GFPT1: variants seen among roughly 807,000 people sequenced by gnomAD.
GFPT1 encodes the protein glutamine--fructose-6-phosphate aminotransferase [isomerizing] 1.
In GFPT1, 40 loss-of-function variants were observed where a neutral mutation model predicts 92.0. That is an observed-to-expected ratio of 0.43 (90% confidence interval 0.34 to 0.57). The LOEUF is 0.57. Among genes scored for constraint, GFPT1 ranks in the 20% least tolerant of loss-of-function variants. The pLI is 0.02. For missense variants in GFPT1, 448 were observed against 869.1 expected, an observed-to-expected ratio of 0.52 and a Z score of 6.09; for synonymous variants, 269 against 280.6, an observed-to-expected ratio of 0.96 and a Z score of 0.41.
chr2:69,326,061 C>CTG lies in GFPT1; in HGVS notation c.*126_*127dup. 1.5e-6 allele frequency: 1 copy of CTG among 648,586 alleles called. No individual in the cohort carries two copies. The highest frequency in any genetic ancestry group is 1.8e-5 in the South Asian group (1 of 54,836). 40.2% of individuals were successfully genotyped at this position (648,586 alleles called of 1,614,324 possible). A position where few individuals can be genotyped will look rare whatever the true frequency, so the allele number is the denominator to read the frequency against. ...CACATATTGAGTGGAATAATTATAA[C>CTG]TGATATATAAATAAGGATTTACTAA... On this transcript the variant is annotated 3_prime_UTR_variant, in exon 20 of 20. Coordinates refer to ENST00000357308, the MANE Select transcript of GFPT1 (RefSeq NM_001244710.2).
At chr2:69,383,944 T>C (rs1277284863) in intron 1 of GFPT1, among the ~76,000 whole-genome samples, 2 of 152,204 alleles carry the variant, frequency 1.3e-5, no homozygotes, top group African/African-American at 4.8e-5. Flanking sequence ...TTCCATTTTA[T>C]ATACACCGTC....
intron 11 of GFPT1, 26 bp from the exon 12 acceptor site, chr2:69,346,025 A>C: frequency 8.5e-7 from 1 of 1,170,926 alleles, no homozygotes; most frequent in Non-Finnish European, 1.3e-6. Flanking sequence ...TCACATAATT[A>C]AAACAAAAAC....
At chr2:69,386,362 T>C (rs1384518885) in intron 1 of GFPT1, among the ~76,000 whole-genome samples, 1 of 152,262 alleles carries the variant, frequency 6.6e-6, no homozygotes, top group Non-Finnish European at 1.5e-5. Context: ...TAAAGGGGTA[T>C]ACATCCAAGG....
chr2:69,347,293 C>T (rs1265211825), intron 11 of GFPT1, among the ~76,000 whole-genome samples: 1 of 151,674 alleles, frequency 6.6e-6, no homozygotes, highest in Non-Finnish European at 1.5e-5. Context: ...TCAAGTGATC[C>T]TCCTACCTTG....
chr2:69,350,325 A>T, intron 9 of GFPT1, 142 bp from the exon 10 acceptor site: 1 of 658,476 alleles, frequency 1.5e-6, no homozygotes. Context: ...CAAGTAGATC[A>T]CCTTATTTCC....
At chr2:69,357,691 G>A (rs566567136) in intron 6 of GFPT1, among the ~76,000 whole-genome samples, 15 of 152,188 alleles carry the variant, frequency 9.9e-5, no homozygotes, top group Non-Finnish European at 1.3e-4. Flanking sequence ...GTTATGAGTG[G>A]GGAAGGGAAA....
chr2:69,353,927 A>G (rs1416848406), intron 9 of GFPT1, among the ~76,000 whole-genome samples: 3 of 152,222 alleles, frequency 2.0e-5, no homozygotes, highest in African/African-American at 7.2e-5. Flanking sequence ...CACTTAGTCA[A>G]TCTATAATAA....
chr2:69,332,930 A>G (rs1381151653), intron 15 of GFPT1, among the ~76,000 whole-genome samples: 1 of 152,056 alleles, frequency 6.6e-6, no homozygotes, highest in Non-Finnish European at 1.5e-5. Flanking sequence ...TAACATCCCA[A>G]TAGTTAAATG....
chr2:69,357,966 G>A, intron 6 of GFPT1, among the ~76,000 whole-genome samples: 1 of 152,202 alleles, frequency 6.6e-6, no homozygotes, highest in East Asian at 1.9e-4. Flanking sequence ...TGGTTGAGAA[G>A]AACACTCGGA....
chr2:69,342,798 CATT>C (rs1251930423), intron 12 of GFPT1, among the ~76,000 whole-genome samples: 1 of 151,968 alleles, frequency 6.6e-6, no homozygotes. Context: ...CTGGGAAAAA[CATT>C]ATCTCAGTTA....
At position 69,329,688 on chromosome 2, in the gene GFPT1, C is replaced by T; in HGVS notation, c.1593G>A (p.Leu531=). 6.3e-7 allele frequency: 1 copy of T among 1,599,132 alleles called. No individual in the cohort carries two copies. The highest frequency in any genetic ancestry group is 8.6e-7 in the Non-Finnish European group (1 of 1,166,312). ...AATATATGAGTGTCTTTGTACCAGGCAGCCGTTTCAATCCAAGCATGATCT... is the reference window on the plus strand; with the variant it reads ...AATATATGAGTGTCTTTGTACCAGGTAGCCGTTTCAATCCAAGCATGATCT... ...RKEIMLGLKR[L]PDLIKEVLSM... The change falls in exon 16 of 20, where the codon CTG becomes CTA. Residue 531 remains leucine, a synonymous_variant. Transcript: ENST00000357308.
chr2:69,384,799 AAAAG>A (rs770333222), intron 1 of GFPT1, among the ~76,000 whole-genome samples: 8 of 151,920 alleles, frequency 5.3e-5, no homozygotes, highest in Non-Finnish European at 1.0e-4. Context: ...GAAAGAAAAG[AAAAG>A]AAAGAAGGAA....
intron 4 of GFPT1, among the ~76,000 whole-genome samples, chr2:69,361,564 G>A (rs1228088795): frequency 6.6e-6 from 1 of 152,030 alleles, no homozygotes; most frequent in Non-Finnish European, 1.5e-5. Context: ...AAGTTTTCGG[G>A]AATCTTTCAT....
intron 2 of GFPT1, chr2:69,371,397 A>G (rs982523366): frequency 6.6e-6 from 1 of 151,982 alleles, no homozygotes; most frequent in African/African-American, 2.4e-5. Flanking sequence ...ATTTTTGAAC[A>G]TGCAAAGTTT....
intron 1 of GFPT1, among the ~76,000 whole-genome samples, chr2:69,381,316 T>C (rs1043126897): frequency 4.6e-5 from 7 of 152,078 alleles, no homozygotes; most frequent in Non-Finnish European, 8.8e-5. Context: ...TTTTTGTTTT[T>C]AAAATATAGA....
intron 9 of GFPT1, 85 bp downstream of exon 9, chr2:69,354,174 C>A: frequency 1.1e-6 from 1 of 903,120 alleles, no homozygotes; most frequent in South Asian, 1.6e-5. Context: ...CCAGCACATT[C>A]ATTCACTCCA....
intron 18 of GFPT1, 48 bp from the exon 19 acceptor site, chr2:69,327,123 G>A (rs367832885): frequency 6.3e-7 from 1 of 1,575,568 alleles, no homozygotes; most frequent in African/African-American, 1.3e-5. Context: ...GTGGGCAAAG[G>A]CAGGGCTATA....
chr2:69,346,923 T>G (rs1227207667), intron 11 of GFPT1, among the ~76,000 whole-genome samples: 1 of 151,430 alleles, frequency 6.6e-6, no homozygotes, highest in Non-Finnish European at 1.5e-5. Context: ...TGTTTTGTTT[T>G]GTTTGAGACA....
At chr2:69,371,700 G>A (rs1308934502) in intron 2 of GFPT1, among the ~76,000 whole-genome samples, 3 of 150,160 alleles carry the variant, frequency 2.0e-5, no homozygotes, top group African/African-American at 7.3e-5. Flanking sequence ...AGCCGGGCGT[G>A]GTGGCGGGTG....
Sources: allele counts gnomAD v4.1 joint callset (sites outside exome capture counted in the v4.1 genomes callset), GRCh38; gene constraint gnomAD v4.1.1; transcripts MANE v1.5; gene names NCBI Gene and HGNC (gene_info 2026-07-23, HGNC 2026-07-21).